VPS37B: variants seen among roughly 807,000 people sequenced by gnomAD.
The protein encoded by VPS37B is vacuolar protein sorting-associated protein 37B.
VPS37B carries 11 observed loss-of-function variants against 21.2 expected under a neutral mutation model. The ratio of observed to expected loss-of-function variants is 0.52; its 90% CI spans 0.33 to 0.86. The LOEUF is 0.86. Among genes scored for constraint, VPS37B ranks in the 40% least tolerant of loss-of-function variants. The pLI, the probability that VPS37B is intolerant of heterozygous loss-of-function variation, is 0.03. For synonymous variants in VPS37B, 175 were observed against 159.6 expected (o/e 1.10, Z -0.73); for missense variants, 389 against 374.8 (o/e 1.04, Z -0.31).
rs923664393 is a variant in VPS37B, at chr12:122,871,963, T to G, written c.112-902A>C. On this transcript the variant is annotated intron_variant, in intron 1 of 3. Transcript: ENST00000267202. ...CTCACTTTCCTTCCACACCGTCAGTTTCAACAGCATGCGATTCCTTACCCA... is the reference window on the plus strand; with the variant it reads ...CTCACTTTCCTTCCACACCGTCAGTGTCAACAGCATGCGATTCCTTACCCA... The G allele has an allele frequency of 5.1e-6, 5 of 985,292 alleles. No individual in the cohort carries two copies. In the African/African-American group the frequency reaches 7.0e-5, roughly 14 times the overall value. 61.0% of individuals were successfully genotyped at this position (985,292 alleles called of 1,614,324 possible).
intron 1 of VPS37B, chr12:122,889,163 GA>G (rs1374568522): frequency 6.5e-6 from 1 of 152,748 alleles, no homozygotes; most frequent in Non-Finnish European, 1.5e-5. Context: ...GGGACACAGG[GA>G]AGTGACTTAC....
chr12:122,877,779 C>T (rs1593914951), intron 1 of VPS37B: 1 of 152,320 alleles, frequency 6.6e-6, no homozygotes, highest in South Asian at 2.1e-4. Flanking sequence ...TGAGGCCCCG[C>T]TTGATTGAGA....
intron 1 of VPS37B, chr12:122,888,619 CTG>C: frequency 2.2e-6 from 1 of 456,046 alleles, no homozygotes; most frequent in Non-Finnish European, 4.4e-6. Context: ...CACAACCACT[CTG>C]CATACGACCG....
intron 1 of VPS37B, among the ~76,000 whole-genome samples, chr12:122,894,946 G>A (rs10744439): frequency 0.96 from 145,625 of 152,196 alleles, 69,712 homozygotes; most frequent in East Asian, 0.99. Flanking sequence ...CACGTGGGAC[G>A]CAGTGGTACA....
intron 1 of VPS37B, chr12:122,871,480 A>G: frequency 1.0e-6 from 1 of 988,864 alleles, no homozygotes; most frequent in Non-Finnish European, 1.2e-6. Flanking sequence ...TCAGCAGGAG[A>G]CCAGTTGGCA....
chr12:122,866,954 G>C lies in VPS37B; in HGVS notation c.*162C>G. 1 of 853,446 alleles carries C rather than the reference G, an allele frequency of 1.2e-6. No individual in the cohort carries two copies. Among genetic ancestry groups the C allele is most frequent in the Non-Finnish European group, 1.6e-6 (1 of 609,404 alleles). The allele number at this position is 853,446 out of a possible 1,614,324, so 52.9% of individuals were successfully genotyped here. A position where few individuals can be genotyped will look rare whatever the true frequency, so the allele number is the denominator to read the frequency against. ...AACTGCCTTGATGCCCAAAGCCTGGGCTCCTACTACTCACCACTGACCTAC... is the reference window on the plus strand; with the variant it reads ...AACTGCCTTGATGCCCAAAGCCTGGCCTCCTACTACTCACCACTGACCTAC... On this transcript the variant is annotated 3_prime_UTR_variant, in exon 4 of 4. Transcript: ENST00000267202.
chr12:122,870,769 G>A (rs1224223468), intron 2 of VPS37B, 121 bp downstream of exon 2: 1 of 960,012 alleles, frequency 1.0e-6, no homozygotes, highest in Admixed American at 2.4e-5. Flanking sequence ...GTTCATTGCA[G>A]TAGAGTCGCT....
intron 1 of VPS37B, among the ~76,000 whole-genome samples, chr12:122,893,406 T>C (rs889127931): frequency 6.6e-6 from 1 of 152,200 alleles, no homozygotes; most frequent in African/African-American, 2.4e-5. Context: ...AAGTCCAGTC[T>C]GGAGTGTGTG....
intron 1 of VPS37B, among the ~76,000 whole-genome samples, chr12:122,895,162 T>C (rs544066770): frequency 6.6e-6 from 1 of 152,024 alleles, no homozygotes; most frequent in South Asian, 2.1e-4. Flanking sequence ...GGCTATGGTA[T>C]GACCATGGAC....
intron 1 of VPS37B, chr12:122,889,914 C>T (rs1246563332): frequency 1.3e-5 from 2 of 152,262 alleles, no homozygotes; most frequent in African/African-American, 4.8e-5. Flanking sequence ...CGAGAACTCG[C>T]TCGTCGGACA....
At chr12:122,887,345 G>C (rs950096587) in intron 1 of VPS37B, 1 of 152,228 alleles carries the variant, frequency 6.6e-6, no homozygotes. Flanking sequence ...CCTGCCTAGA[G>C]GATCAAGCCC....
intron 1 of VPS37B, chr12:122,888,710 A>G: frequency 5.3e-6 from 2 of 380,894 alleles, no homozygotes; most frequent in Non-Finnish European, 1.1e-5. Flanking sequence ...AGGTCATCCA[A>G]CTTGTTTCTC....
intron 1 of VPS37B, chr12:122,875,059 A>G (rs767484745): frequency 4.7e-5 from 7 of 149,152 alleles, no homozygotes; most frequent in Non-Finnish European, 1.0e-4. Flanking sequence ...TATAAATACG[A>G]TAACTTTTTT....
chr12:122,877,292 C>G (rs2034168588), intron 1 of VPS37B: 1 of 152,182 alleles, frequency 6.6e-6, no homozygotes, highest in South Asian at 2.1e-4. Context: ...AGGATAAAAA[C>G]AAAATATGCC....
intron 1 of VPS37B, chr12:122,874,611 A>G (rs942289646): frequency 3.9e-5 from 6 of 152,256 alleles, no homozygotes; most frequent in Admixed American, 6.5e-5. Flanking sequence ...TTTGTTTTGT[A>G]TAGGACACAC....
chr12:122,894,378 G>A (rs1267019694), intron 1 of VPS37B, among the ~76,000 whole-genome samples: 1 of 152,218 alleles, frequency 6.6e-6, no homozygotes, highest in East Asian at 1.9e-4. Flanking sequence ...TGGAAAGACT[G>A]ATACCATCTT....
chr12:122,868,133 C>T lies in VPS37B; in HGVS notation c.366+347G>A, dbSNP rs1010435015. ...CCTGGCGAGGCTCAAGGCTCTAATG[C>T]GCAGCTGGACGTGTCCCAGAAGCTC... On this transcript the variant is annotated intron_variant, in intron 3 of 3. Coordinates refer to ENST00000267202, the MANE Select transcript of VPS37B (RefSeq NM_024667.3). This position sits in a 1 kb window ranked among gnomAD's most constrained non-coding sequence, Gnocchi z 5.5. 6.6e-6 allele frequency among the ~76,000 whole-genome samples: 1 copy of T among 152,222 alleles called. No individual in the cohort carries two copies. Among genetic ancestry groups the T allele is most frequent in the Non-Finnish European group, 1.5e-5 (1 of 68,032 alleles).
In VPS37B at chr12:122,867,408, A is replaced by AG. The variant is rs2033927530; in HGVS notation, c.565dup (p.Leu189ProfsTer145). The AG allele has an allele frequency of 1.1e-5, 13 of 1,160,314 alleles. No homozygotes were observed. The highest frequency in any genetic ancestry group is 1.4e-5 in the Non-Finnish European group (13 of 925,014). 71.9% of individuals were successfully genotyped at this position (1,160,314 alleles called of 1,614,324 possible). On this transcript the variant is annotated frameshift_variant, in exon 4 of 4. Transcript: ENST00000267202. LOFTEE classifies it low-confidence loss of function (END_TRUNC). The surrounding 1 kb of genome is among the most constrained non-coding windows in gnomAD (Gnocchi z 5.5). Reference sequence around the variant, plus strand: ...ACTGGCCTCTGGGGCAGGGTAGGGAAGGGGGGCGGTAGGTGCCAGTTCGGG... The same window carrying AG: ...ACTGGCCTCTGGGGCAGGGTAGGGAAGGGGGGGCGGTAGGTGCCAGTTCGGG...
In VPS37B at chr12:122,868,339, C is replaced by A; in HGVS notation, c.366+141G>T. ...CACTTTCCCCAGCACACAGGCCAGG[C>A]TGCCTGCTGGTATACAGCCCGTACA... On this transcript the variant is annotated intron_variant, in intron 3 of 3. Coordinates refer to ENST00000267202, the MANE Select transcript of VPS37B (RefSeq NM_024667.3). The surrounding 1 kb of genome is among the most constrained non-coding windows in gnomAD (Gnocchi z 5.5). 2.7e-6 allele frequency: 2 copies of A among 748,232 alleles called. No individual in the cohort carries two copies. 46.3% of individuals were successfully genotyped at this position (748,232 alleles called of 1,614,324 possible).
Sources: gnomAD v4.1 joint callset for allele counts (sites outside exome capture counted in the v4.1 genomes callset) on GRCh38, gnomAD v4.1.1 for gene constraint, Gnocchi (gnomAD v3.1) non-coding constraint, MANE v1.5 for transcripts, NCBI Gene and HGNC (gene_info 2026-07-23, HGNC 2026-07-21) for gene names.